Variants in H4C15 observed in about 807,000 individuals in gnomAD.
H4C15 encodes H4 clustered histone 15, also known as histone H4.
downstream of H4C15, chr1:149,850,516 CTTG>C (rs781863005): frequency 7.4e-5 from 62 of 834,044 alleles, 4 homozygotes; most frequent in African/African-American, 9.2e-4. Flanking sequence ...TGGTGGAGCG[CTTG>C]TTGTAGTGCG....
downstream of H4C15, among the ~76,000 whole-genome samples, chr1:149,855,763 TGTGTGA>T (rs2101557137): frequency 3.6e-5 from 1 of 27,658 alleles, no homozygotes; most frequent in Non-Finnish European, 6.8e-5. Flanking sequence ...TGTGTGTGTG[TGTGTGA>T]GAGAGAGAGA....
At chr1:149,846,896 A>G in the H4C15 span, 1 of 152,256 alleles carries the variant, frequency 6.6e-6, no homozygotes, top group African/African-American at 2.4e-5. Context: ...GGCTGCTGCA[A>G]CAAATTACTA....
At chr1:149,845,454 A>C in the H4C15 span, 1 of 152,260 alleles carries the variant, frequency 6.6e-6, no homozygotes, top group Non-Finnish European at 1.5e-5. Context: ...TCATCAGTTA[A>C]TACTTGAGCA....
At chr1:149,855,767 T>TGTGTGTGAGAGA (rs1224184289), downstream of H4C15, among the ~76,000 whole-genome samples, 2 of 20,462 alleles carry the variant, frequency 9.8e-5, no homozygotes, top group Non-Finnish European at 1.8e-4. Flanking sequence ...TGTGTGTGTG[T>TGTGTGTGAGAGA]GAGAGAGAGA....
chr1:149,846,199 T>C, the H4C15 span: 2 of 152,218 alleles, frequency 1.3e-5, no homozygotes, highest in Non-Finnish European at 2.9e-5. Context: ...TCTCAGTATT[T>C]GACTAAAACC....
chr1:149,850,742 G>A (rs1553757713), downstream of H4C15: 3 of 247,800 alleles, frequency 1.2e-5, no homozygotes, highest in Non-Finnish European at 1.4e-5. Flanking sequence ...GCCCTTCTTG[G>A]GAGCCGGCGC....
At chr1:149,846,286 T>C in the H4C15 span, 1 of 152,316 alleles carries the variant, frequency 6.6e-6, no homozygotes, top group South Asian at 2.1e-4. Context: ...TCTAGACTTG[T>C]GCAATCACAA....
downstream of H4C15, among the ~76,000 whole-genome samples, chr1:149,855,384 G>GGGGTGTGT (rs1553757834): frequency 1.4e-5 from 2 of 139,184 alleles, no homozygotes; most frequent in Non-Finnish European, 1.6e-5. Context: ...GTGGGGGACA[G>GGGGTGTGT]GTGTGTGTGT....
chr1:149,848,778 C>T, the H4C15 span: 3 of 152,184 alleles, frequency 2.0e-5, no homozygotes, highest in South Asian at 6.2e-4. Flanking sequence ...GCTACCTAGT[C>T]AATAACATAC....
At chr1:149,849,326 G>T (rs183221503), downstream of H4C15, among the ~76,000 whole-genome samples, 105 of 152,312 alleles carry the variant, frequency 6.9e-4, 1 homozygote, top group East Asian at 0.013. Flanking sequence ...GTAACTTCAA[G>T]TAATGCTGAT....
downstream of H4C15, chr1:149,850,049 A>C (rs1359659947): frequency 5.1e-6 from 2 of 392,158 alleles, no homozygotes; most frequent in South Asian, 2.2e-5. Context: ...TCCTGGGCAC[A>C]TATTCACGGG....
chr1:149,850,881 C>T, downstream of H4C15: 3 of 75,712 alleles, frequency 4.0e-5, no homozygotes, highest in Non-Finnish European at 4.5e-5. Flanking sequence ...CATGACGCTG[C>T]GTTATGGTTC....
At chr1:149,844,692 A>G in the H4C15 span, 1 of 152,116 alleles carries the variant, frequency 6.6e-6, no homozygotes, top group Non-Finnish European at 1.5e-5. Context: ...ACCTACATAA[A>G]ATCCCAAATA....
chr1:149,845,412 C>G, the H4C15 span: 1 of 152,140 alleles, frequency 6.6e-6, no homozygotes, highest in African/African-American at 2.4e-5. Context: ...TTAAGTAAAG[C>G]AGAACATGGA....
chr1:149,855,767 T>A (rs1308892700), downstream of H4C15, among the ~76,000 whole-genome samples: 31 of 20,486 alleles, frequency 1.5e-3, 6 homozygotes, highest in South Asian at 3.8e-3. Context: ...TGTGTGTGTG[T>A]GAGAGAGAGA....
At chr1:149,845,727 G>A in the H4C15 span, 2 of 152,210 alleles carry the variant, frequency 1.3e-5, no homozygotes, top group Non-Finnish European at 2.9e-5. Context: ...GAGATAGAGT[G>A]CTCTTGGAGA....
At chr1:149,855,421 G>T (rs1357803256), downstream of H4C15, among the ~76,000 whole-genome samples, 1 of 146,254 alleles carries the variant, frequency 6.8e-6, no homozygotes, top group African/African-American at 2.5e-5. Flanking sequence ...GTGTGTGTGT[G>T]TGTTTAGAGG....
chr1:149,855,424 T>TGTGTGTGTGTGTG (rs1247381452), downstream of H4C15, among the ~76,000 whole-genome samples: 1 of 141,306 alleles, frequency 7.1e-6, no homozygotes, highest in African/African-American at 2.6e-5. Context: ...TGTGTGTGTG[T>TGTGTGTGTGTGTG]TTAGAGGGAA....
chr1:149,847,124 CCT>C, the H4C15 span: 3 of 151,958 alleles, frequency 2.0e-5, no homozygotes, highest in Non-Finnish European at 4.4e-5. Flanking sequence ...TCTTCAAATC[CCT>C]CTCTCCTTCT....
Sources: gnomAD v4.1 joint callset for allele counts (sites outside exome capture counted in the v4.1 genomes callset) on GRCh38, gnomAD v4.1.1 for gene constraint, MANE v1.5 for transcripts, NCBI Gene and HGNC (gene_info 2026-07-23, HGNC 2026-07-21) for gene names.